The following ANO3 variants were observed in gnomAD, a reference collection of about 807,000 sequenced individuals.
ANO3 encodes the protein anoctamin 3, also known as anoctamin-3.
A neutral mutation model predicts 144.8 loss-of-function variants in ANO3; 99 were observed. That is an observed-to-expected ratio of 0.68 (90% CI 0.58 to 0.81). ANO3 has a LOEUF of 0.81. Among genes scored for constraint, ANO3 ranks in the 30% least tolerant of loss-of-function variants. The pLI is 0.00. For synonymous variants in ANO3, 414 were observed against 392.6 expected (o/e 1.05, Z -0.64); for missense variants, 905 against 1,202.2 (o/e 0.75, Z 3.66).
At chr11:26,318,814 G>A (rs80173755) in intron 1 of ANO3, among the ~76,000 whole-genome samples, 3,069 of 152,210 alleles carry the variant, frequency 0.02, 66 homozygotes, top group East Asian at 0.13. Flanking sequence ...TTCCTACTGA[G>A]GAATATGGAT....
chr11:26,215,352 A>G (rs1852015953), intron 1 of ANO3, among the ~76,000 whole-genome samples: 1 of 152,024 alleles, frequency 6.6e-6, no homozygotes, highest in Non-Finnish European at 1.5e-5. Flanking sequence ...TTTTAATACA[A>G]TACTGCTTTA....
intron 1 of ANO3, among the ~76,000 whole-genome samples, chr11:26,318,689 A>G (rs1297055825): frequency 6.6e-6 from 1 of 152,114 alleles, no homozygotes; most frequent in Non-Finnish European, 1.5e-5. Flanking sequence ...GTCCTTGGAG[A>G]ACTTGTATGA....
intron 1 of ANO3, among the ~76,000 whole-genome samples, chr11:26,210,825 T>C (rs1564918480): frequency 1.3e-5 from 2 of 152,138 alleles, no homozygotes; most frequent in African/African-American, 4.8e-5. Context: ...TTTTTGCGCA[T>C]TGATTTTGTA....
At chr11:26,415,850 T>C (rs978767877) in intron 1 of ANO3, among the ~76,000 whole-genome samples, 2 of 152,096 alleles carry the variant, frequency 1.3e-5, no homozygotes, top group African/African-American at 4.8e-5. Context: ...CAATGTTAAA[T>C]AGATCATTAT....
At chr11:26,242,785 G>T (rs1852689931) in intron 1 of ANO3, among the ~76,000 whole-genome samples, 1 of 152,232 alleles carries the variant, frequency 6.6e-6, no homozygotes, top group African/African-American at 2.4e-5. Flanking sequence ...AATCAATATT[G>T]TAAAGATTAA....
chr11:26,521,263 T>C lies in ANO3; in HGVS notation c.692+4336T>C, dbSNP rs1351796907. Among the ~76,000 whole-genome samples the C allele has an allele frequency of 2.6e-5, 4 of 152,186 alleles. No individual in the cohort carries two copies. In the East Asian group the frequency reaches 5.8e-4, roughly 22 times the overall value. Reference sequence around the variant, plus strand: ...AATAATAACCTAAATAGGAAACATATGTATCTCTTTTTAGGATAATATTTT... The same window carrying C: ...AATAATAACCTAAATAGGAAACATACGTATCTCTTTTTAGGATAATATTTT... On this transcript the variant is annotated intron_variant, in intron 6 of 26. Transcript: ENST00000256737.
At chr11:26,373,761 TAA>T (rs1313856898) in intron 1 of ANO3, among the ~76,000 whole-genome samples, 1 of 152,128 alleles carries the variant, frequency 6.6e-6, no homozygotes, top group Non-Finnish European at 1.5e-5. Flanking sequence ...TCGTACATAG[TAA>T]GTTTTTAAAT....
chr11:26,582,732 T>C (rs1851168328), intron 14 of ANO3, among the ~76,000 whole-genome samples: 1 of 152,146 alleles, frequency 6.6e-6, no homozygotes. Context: ...TACTTTTAAT[T>C]AATTATTTCA....
intron 1 of ANO3, among the ~76,000 whole-genome samples, chr11:26,417,449 G>T (rs1857623781): frequency 6.6e-6 from 1 of 152,054 alleles, no homozygotes; most frequent in South Asian, 2.1e-4. Context: ...CAAAATTGGG[G>T]CTTGGCCTGG....
chr11:26,427,090 C>T, intron 1 of ANO3: 1 of 181,764 alleles, frequency 5.5e-6, no homozygotes, highest in South Asian at 1.3e-4. Context: ...TCTCTGGAAC[C>T]TTCCCTGCTT....
intron 1 of ANO3, among the ~76,000 whole-genome samples, chr11:26,317,202 A>G (rs1177270178): frequency 6.6e-6 from 1 of 152,008 alleles, no homozygotes; most frequent in Non-Finnish European, 1.5e-5. Context: ...GCTATACGAG[A>G]TAAGTTGTTA....
At chr11:26,537,602 T>G (rs1849543985) in intron 10 of ANO3, 141 bp downstream of exon 10, 1 of 734,318 alleles carries the variant, frequency 1.4e-6, no homozygotes, top group South Asian at 1.6e-5. Flanking sequence ...GTCTCCCCAT[T>G]GTAATTTTGT....
chr11:26,242,403 A>C (rs17308943), intron 1 of ANO3, among the ~76,000 whole-genome samples: 6,351 of 152,236 alleles, frequency 0.042, 186 homozygotes, highest in Non-Finnish European at 0.059. Context: ...TTAATCTCCA[A>C]GGCCAAGTTT....
intron 14 of ANO3, among the ~76,000 whole-genome samples, chr11:26,571,712 T>C (rs1850834640): frequency 6.6e-6 from 1 of 152,176 alleles, no homozygotes; most frequent in African/African-American, 2.4e-5. Context: ...TTGAAACCTT[T>C]ACTAAGATCT....
Position 26,458,536 on chromosome 11 carries a change from G to A in ANO3, c.314-4494G>A, listed in dbSNP as rs532415408. On this transcript the variant is annotated intron_variant, in intron 3 of 26. Coordinates refer to ENST00000256737, the MANE Select transcript of ANO3 (RefSeq NM_031418.4). ...TGTTTTACAAAGTTACATTCAGAAG[G>A]AAAATTATATTTCAAATGAAATGTG... Among the ~76,000 whole-genome samples the A allele has an allele frequency of 3.2e-3, 489 of 152,148 alleles. 2 individuals are homozygous for A. The highest frequency in any genetic ancestry group is 0.011 in the African/African-American group (470 of 41,520).
chr11:26,193,852 T>C (rs944421844), intron 1 of ANO3, among the ~76,000 whole-genome samples: 6 of 152,176 alleles, frequency 3.9e-5, no homozygotes, highest in African/African-American at 1.4e-4. Flanking sequence ...GATTCCCATG[T>C]AAATTAACAT....
intron 20 of ANO3, among the ~76,000 whole-genome samples, chr11:26,636,751 A>G (rs980981271): frequency 6.6e-6 from 1 of 152,252 alleles, no homozygotes; most frequent in Non-Finnish European, 1.5e-5. Flanking sequence ...AATCAAAGAC[A>G]TAATGAAAAT....
At chr11:26,633,351 G>T (rs539304522) in intron 18 of ANO3, among the ~76,000 whole-genome samples, 347 of 152,140 alleles carry the variant, frequency 2.3e-3, no homozygotes, top group African/African-American at 8.0e-3. Flanking sequence ...CAAACTGACT[G>T]CAAAAAAATA....
chr11:26,362,154 ACT>A (rs1241683320), intron 1 of ANO3, among the ~76,000 whole-genome samples: 2 of 152,146 alleles, frequency 1.3e-5, no homozygotes, highest in African/African-American at 4.8e-5. Flanking sequence ...GAAATCGCAC[ACT>A]CATAATTGTT....
Sources: gnomAD v4.1 joint callset for allele counts (sites outside exome capture counted in the v4.1 genomes callset) on GRCh38, gnomAD v4.1.1 for gene constraint, MANE v1.5 for transcripts, NCBI Gene and HGNC (gene_info 2026-07-23, HGNC 2026-07-21) for gene names.